TMED3: variants seen among roughly 807,000 people sequenced by gnomAD.
The protein encoded by TMED3 is transmembrane emp24 domain-containing protein 3.
A neutral mutation model predicts 15.0 loss-of-function variants in TMED3; 9 were observed. That is an observed-to-expected ratio of 0.60 (90% CI 0.36 to 1.04). The LOEUF (loss-of-function observed/expected upper bound fraction) is 1.04. TMED3 is among the 50% of genes least tolerant of loss of function. The pLI is 0.01. For missense variants in TMED3, 267 were observed against 278.9 expected (o/e 0.96, Z 0.30); for synonymous variants, 117 against 121.4 (o/e 0.96, Z 0.24).
intron 2 of TMED3, among the ~76,000 whole-genome samples, chr15:79,355,114 T>A (rs2058913661): frequency 6.6e-6 from 1 of 152,166 alleles, no homozygotes; most frequent in Non-Finnish European, 1.5e-5. Context: ...TATCCCATTA[T>A]TGAGAACCCC....
At chr15:79,316,380 T>C (rs1264741676) in intron 2 of TMED3, among the ~76,000 whole-genome samples, 1 of 152,178 alleles carries the variant, frequency 6.6e-6, no homozygotes, top group East Asian at 1.9e-4. Context: ...TGGTCAGAGC[T>C]GAAGGTTTCT....
At chr15:79,321,765 A>G (rs777191647) in intron 2 of TMED3, among the ~76,000 whole-genome samples, 9 of 151,484 alleles carry the variant, frequency 5.9e-5, no homozygotes, top group African/African-American at 2.0e-4. Context: ...GCCACATACT[A>G]ACTGTGTGAC....
intron 2 of TMED3, among the ~76,000 whole-genome samples, chr15:79,340,021 GT>G (rs1239466394): frequency 6.6e-6 from 1 of 152,132 alleles, no homozygotes; most frequent in Non-Finnish European, 1.5e-5. Context: ...AGGGCTGTGT[GT>G]CTCACTGCTA....
intron 2 of TMED3, among the ~76,000 whole-genome samples, chr15:79,382,628 G>T (rs952526311): frequency 3.9e-5 from 6 of 152,190 alleles, no homozygotes; most frequent in African/African-American, 1.4e-4. Flanking sequence ...TCTTCTGGGT[G>T]CTCAGCTCCT....
intron 2 of TMED3, among the ~76,000 whole-genome samples, chr15:79,353,308 T>A (rs1006463892): frequency 0.029 from 371 of 12,590 alleles, 9 homozygotes; most frequent in African/African-American, 0.063. Context: ...TTATATATAT[T>A]ATATATATAA....
chr15:79,321,706 T>C (rs1270806088), intron 2 of TMED3, among the ~76,000 whole-genome samples: 1 of 151,878 alleles, frequency 6.6e-6, no homozygotes, highest in Non-Finnish European at 1.5e-5. Context: ...AATAAGAGAG[T>C]ATAGGGCAGT....
At chr15:79,373,885 G>A (rs1893384890) in intron 2 of TMED3, among the ~76,000 whole-genome samples, 1 of 152,196 alleles carries the variant, frequency 6.6e-6, no homozygotes, top group Non-Finnish European at 1.5e-5. Flanking sequence ...TTGGTTGAAA[G>A]GATTAAGGTC....
At chr15:79,349,724 G>A (rs564871708) in intron 2 of TMED3, among the ~76,000 whole-genome samples, 35 of 152,218 alleles carry the variant, frequency 2.3e-4, no homozygotes, top group Admixed American at 2.0e-3. Flanking sequence ...TGCTCCAGCC[G>A]CCTGGCTTCT....
rs145649641 is a variant in TMED3, at chr15:79,381,047, A to G, written c.418-30353A>G. 1.2e-4 allele frequency among the ~76,000 whole-genome samples: 18 copies of G among 152,220 alleles called. No homozygotes were observed. In the South Asian group the frequency reaches 2.9e-3, roughly 25 times the overall value. ...AAGGAGACTGTATCTGATCATTCCA[A>G]TCTGTTTTCAGGCAGATTTTAAGAA... On this transcript the variant is annotated intron_variant, in intron 2 of 2. Coordinates refer to the TMED3 transcript ENST00000424155.
exon 3 of TMED3, chr15:79,411,743 G>A (rs948161732): frequency 6.4e-6 from 3 of 465,474 alleles, no homozygotes; most frequent in Non-Finnish European, 1.2e-5. Context: ...CTGGCAGGGA[G>A]AGTTGCTTGG....
At chr15:79,359,404 G>T (rs1893080661) in intron 2 of TMED3, among the ~76,000 whole-genome samples, 1 of 151,922 alleles carries the variant, frequency 6.6e-6, no homozygotes, top group South Asian at 2.1e-4. Flanking sequence ...GCAAATTTTT[G>T]TATTTTTAGT....
intron 2 of TMED3, among the ~76,000 whole-genome samples, chr15:79,338,864 G>A (rs2058837994): frequency 2.0e-5 from 3 of 152,108 alleles, no homozygotes; most frequent in African/African-American, 7.2e-5. Flanking sequence ...TAGCGGTAGC[G>A]TAAGTGTCAA....
chr15:79,405,695 G>A (rs936686157), intron 2 of TMED3, among the ~76,000 whole-genome samples: 1 of 152,062 alleles, frequency 6.6e-6, no homozygotes, highest in Non-Finnish European at 1.5e-5. Flanking sequence ...ATTTTCCTTG[G>A]GTATCTGAAA....
chr15:79,392,162 T>C (rs1021739756), intron 2 of TMED3, among the ~76,000 whole-genome samples: 1 of 152,168 alleles, frequency 6.6e-6, no homozygotes, highest in Admixed American at 6.5e-5. Flanking sequence ...TTTTGTTTTG[T>C]TTTTGCTTTT....
chr15:79,332,828 T>C (rs578179904), intron 2 of TMED3, among the ~76,000 whole-genome samples: 1 of 152,346 alleles, frequency 6.6e-6, no homozygotes, highest in African/African-American at 2.4e-5. Flanking sequence ...GGCTTCCATA[T>C]TGTATGATGT....
At chr15:79,336,599 A>C (rs1292244564) in intron 2 of TMED3, among the ~76,000 whole-genome samples, 7 of 152,090 alleles carry the variant, frequency 4.6e-5, no homozygotes, top group Non-Finnish European at 7.4e-5. Context: ...TGGAGGTTGC[A>C]GTGAGCAGAG....
intron 2 of TMED3, among the ~76,000 whole-genome samples, chr15:79,333,604 T>A (rs1272869932): frequency 2.0e-5 from 3 of 152,218 alleles, no homozygotes; most frequent in Non-Finnish European, 4.4e-5. Context: ...CAGTAACTAC[T>A]TTTACACTTT....
exon 3 of TMED3, chr15:79,412,956 A>T (rs1894011208): frequency 6.6e-6 from 1 of 152,198 alleles, no homozygotes; most frequent in South Asian, 2.1e-4. Flanking sequence ...TTGGAAGCCT[A>T]GCTTTGGCTC....
At chr15:79,345,186 G>A (rs2058865646) in intron 2 of TMED3, among the ~76,000 whole-genome samples, 1 of 152,104 alleles carries the variant, frequency 6.6e-6, no homozygotes. Flanking sequence ...GGGTACATGT[G>A]CAGGTTTGTT....
Sources: allele counts gnomAD v4.1 joint callset (sites outside exome capture counted in the v4.1 genomes callset), GRCh38; gene constraint gnomAD v4.1.1; transcripts MANE v1.5; gene names NCBI Gene and HGNC (gene_info 2026-07-23, HGNC 2026-07-21).